Variants in SGIP1 observed in about 807,000 individuals in gnomAD.
SGIP1 encodes the protein SH3GL interacting endocytic adaptor 1.
SGIP1 carries 38 observed loss-of-function variants against 107.5 expected under a neutral mutation model. The ratio of observed to expected loss-of-function variants is 0.35; its 90% CI spans 0.27 to 0.46. The LOEUF (loss-of-function observed/expected upper bound fraction) is 0.46. Ranked by LOEUF, SGIP1 falls within the 20% of genes least tolerant of loss-of-function variation. The pLI, the probability that SGIP1 is intolerant of heterozygous loss-of-function variation, is 1.00. For missense variants in SGIP1, 929 were observed against 1,019.5 expected (o/e 0.91, Z 1.21); for synonymous variants, 365 against 366.1 (o/e 1.00, Z 0.03).
intron 7 of SGIP1, among the ~76,000 whole-genome samples, chr1:66,655,700 C>T (rs1449231620): frequency 6.6e-6 from 1 of 151,998 alleles, no homozygotes; most frequent in Admixed American, 6.6e-5. Flanking sequence ...TGTATCCAAA[C>T]ATAGAAAAAG....
At chr1:66,642,399 T>C (rs1456779460) in intron 5 of SGIP1, among the ~76,000 whole-genome samples, 1 of 152,174 alleles carries the variant, frequency 6.6e-6, no homozygotes, top group Admixed American at 6.6e-5. Flanking sequence ...CTAATTTCCT[T>C]TTCTTGGAAC....
At chr1:66,695,401 C>G (rs375597224) in intron 17 of SGIP1, 33 bp from the exon 18 acceptor site, 2 of 1,614,048 alleles carry the variant, frequency 1.2e-6, no homozygotes, top group Non-Finnish European at 8.5e-7. Flanking sequence ...TTCCTTAACC[C>G]TTCCCATCCC....
Position 66,657,728 on chromosome 1 carries a change from C to A in SGIP1, c.460-2785C>A, listed in dbSNP as rs539743763. Among the ~76,000 whole-genome samples, 359 of 152,136 alleles carry A rather than the reference C, an allele frequency of 2.4e-3. 1 individual carries two copies. Among genetic ancestry groups the A allele is most frequent in the Non-Finnish European group, 4.0e-3 (275 of 67,988 alleles). On this transcript the variant is annotated intron_variant, in intron 7 of 24. Coordinates refer to ENST00000371037, the MANE Select transcript of SGIP1 (RefSeq NM_032291.4). ...CTTAGACTATTGGACAAAAAAAAAT[C>A]CCTGTACTTTGTAACCATTCAATGG...
chr1:66,621,809 A>G (rs1269079833), intron 1 of SGIP1, among the ~76,000 whole-genome samples: 1 of 152,172 alleles, frequency 6.6e-6, no homozygotes, highest in African/African-American at 2.4e-5. Flanking sequence ...ATAGTATTCC[A>G]TTGCATGGCT....
At chr1:66,630,853 A>AGAGAGAGAG (rs1558133316) in intron 2 of SGIP1, among the ~76,000 whole-genome samples, 2 of 32,690 alleles carry the variant, frequency 6.1e-5, no homozygotes, top group Non-Finnish European at 1.1e-4. Context: ...GAAAGAAAGA[A>AGAGAGAGAG]AGAAAGAAAG....
chr1:66,556,085 AAC>A (rs1033214879), intron 1 of SGIP1, among the ~76,000 whole-genome samples: 2 of 152,148 alleles, frequency 1.3e-5, no homozygotes, highest in Non-Finnish European at 2.9e-5. Context: ...GACTAAAACA[AAC>A]AAACAAACAA....
intron 1 of SGIP1, among the ~76,000 whole-genome samples, chr1:66,609,684 C>T (rs974553437): frequency 2.0e-5 from 3 of 152,192 alleles, no homozygotes; most frequent in African/African-American, 7.2e-5. Context: ...AGCAACTCAA[C>T]AGAAGAGACT....
intron 1 of SGIP1, among the ~76,000 whole-genome samples, chr1:66,589,451 G>A (rs1215510311): frequency 6.6e-6 from 1 of 151,566 alleles, no homozygotes; most frequent in Non-Finnish European, 1.5e-5. Flanking sequence ...GGACTAGAAG[G>A]GCAAGAGTCC....
Position 66,682,196 on chromosome 1 carries a change from A to C in SGIP1, c.1142A>C (p.Lys381Thr). 6.2e-7 allele frequency: 1 copy of C among 1,614,234 alleles called. No homozygotes were observed. The highest frequency in any genetic ancestry group is 8.5e-7 in the Non-Finnish European group (1 of 1,180,042). The change falls in exon 15 of 25, where the codon AAG becomes ACG. Residue 381 changes from lysine (K) to threonine (T), a missense_variant. Physicochemically the swap from Lys to Thr is moderately conservative, Grantham distance 78 (BLOSUM62 -1). Transcript: ENST00000371037. ...LSPLNLEEVQ[K>T]KVAEQTFIKD... Reference sequence around the variant, plus strand: ...CCGCTCAATTTAGAAGAAGTCCAGAAGAAAGTCGCTGAGCAGACCTTCATT... The same window carrying C: ...CCGCTCAATTTAGAAGAAGTCCAGACGAAAGTCGCTGAGCAGACCTTCATT...
chr1:66,646,829 G>A (rs545049973), intron 7 of SGIP1, among the ~76,000 whole-genome samples: 1 of 152,168 alleles, frequency 6.6e-6, no homozygotes, highest in South Asian at 2.1e-4. Context: ...CTTAGCCCTT[G>A]ATTTTGATAT....
chr1:66,662,082 A>T (rs1209909876), intron 8 of SGIP1, among the ~76,000 whole-genome samples: 1 of 152,206 alleles, frequency 6.6e-6, no homozygotes, highest in Non-Finnish European at 1.5e-5. Context: ...AAATACAGAT[A>T]AACACCTACA....
chr1:66,642,878 A>C lies in SGIP1; in HGVS notation c.283+14A>C. ...AGGAACCCGGCTATATCCTTTCTTTATTTTTTTATTTTAATTTTCATTCAC... is the reference window on the plus strand; with the variant it reads ...AGGAACCCGGCTATATCCTTTCTTTCTTTTTTTATTTTAATTTTCATTCAC... On this transcript the variant is annotated intron_variant, in intron 6 of 24. Transcript: ENST00000371037. The C allele has an allele frequency of 6.3e-7, 1 of 1,596,648 alleles. No homozygotes were observed. Among genetic ancestry groups the C allele is most frequent in the African/African-American group, 1.4e-5 (1 of 73,730 alleles).
chr1:66,571,959 T>A (rs1031642602), intron 1 of SGIP1, among the ~76,000 whole-genome samples: 1 of 152,028 alleles, frequency 6.6e-6, no homozygotes, highest in Non-Finnish European at 1.5e-5. Flanking sequence ...CCAGAATTAG[T>A]CATTTTCTTC....
rs1441802067 is a variant in SGIP1 at position 66,751,129 on chromosome 1, T to A, written c.*8034T>A. Among the ~76,000 whole-genome samples the A allele has an allele frequency of 6.6e-6, 1 of 152,194 alleles. No individual in the cohort carries two copies. The highest frequency in any genetic ancestry group is 1.5e-5 in the Non-Finnish European group (1 of 68,024). The stretch of plus-strand genomic sequence containing the variant: ...ATGAAAAATATGAAAATAAATTGAA[T>A]TGTGAATATCTTTTGCTGTCAGCCT... On this transcript the variant is annotated 3_prime_UTR_variant, in exon 25 of 25. Transcript: ENST00000371037.
intron 1 of SGIP1, among the ~76,000 whole-genome samples, chr1:66,624,331 C>G (rs1044299183): frequency 3.3e-5 from 5 of 151,992 alleles, no homozygotes; most frequent in Non-Finnish European, 7.4e-5. Context: ...TTTTAATAAA[C>G]AAAATGAAAA....
intron 1 of SGIP1, among the ~76,000 whole-genome samples, chr1:66,575,446 T>A (rs2060933142): frequency 6.6e-6 from 1 of 152,186 alleles, no homozygotes; most frequent in South Asian, 2.1e-4. Flanking sequence ...CTCTACCTGC[T>A]GTGGTTTTGG....
rs1040673505 is a variant in SGIP1, at chr1:66,744,734, C to G, written c.*1639C>G. 3 of 152,354 alleles carry G rather than the reference C, an allele frequency of 2.0e-5. No individual in the cohort carries two copies. Among genetic ancestry groups the G allele is most frequent in the African/African-American group, 7.2e-5 (3 of 41,424 alleles). 9.4% of individuals were successfully genotyped at this position (152,354 alleles called of 1,614,324 possible). On this transcript the variant is annotated 3_prime_UTR_variant, in exon 25 of 25. Transcript: ENST00000371037. ...TAATCTTTGTACTCCTCTATCAGTG[C>G]TTGCTACCAAGAGAATGTCCAAAAT...
chr1:66,657,550 T>C (rs928748744), intron 7 of SGIP1, among the ~76,000 whole-genome samples: 6 of 152,154 alleles, frequency 3.9e-5, no homozygotes, highest in African/African-American at 1.4e-4. Context: ...ATACTTGCAT[T>C]TTACCATGTT....
chr1:66,674,514 T>C (rs1243372469), intron 12 of SGIP1, among the ~76,000 whole-genome samples: 1 of 152,186 alleles, frequency 6.6e-6, no homozygotes, highest in East Asian at 1.9e-4. Flanking sequence ...GTGAAGGGCC[T>C]TAAGTGTTAA....
Sources: gnomAD v4.1 joint callset for allele counts (sites outside exome capture counted in the v4.1 genomes callset) on GRCh38, gnomAD v4.1.1 for gene constraint, MANE v1.5 for transcripts, NCBI Gene and HGNC (gene_info 2026-07-23, HGNC 2026-07-21) for gene names.